The following MYO16 variants were observed in gnomAD, a reference collection of about 807,000 sequenced individuals.
MYO16 encodes unconventional myosin-XVI.
Under a neutral mutation model 205.3 loss-of-function variants are expected in MYO16, and 94 were observed. The observed-to-expected ratio is 0.46, with a 90% CI of 0.39 to 0.54. The LOEUF is 0.54. Among genes scored for constraint, MYO16 ranks in the 20% least tolerant of loss-of-function variants. The probability of loss-of-function intolerance (pLI) is 0.00; values close to 1 mark genes in which losing one functional copy is unlikely to be tolerated. For missense variants in MYO16, 2,315 were observed against 2,387.5 expected, an observed-to-expected ratio of 0.97 and a Z score of 0.63; for synonymous variants, 988 against 954.0, an observed-to-expected ratio of 1.04 and a Z score of -0.66.
chr13:109,013,669 G>A (rs1885699668), intron 22 of MYO16, among the ~76,000 whole-genome samples: 1 of 152,206 alleles, frequency 6.6e-6, no homozygotes, highest in Non-Finnish European at 1.5e-5. Context: ...TAACTGGTGT[G>A]AGATGGTATC....
intron 9 of MYO16, among the ~76,000 whole-genome samples, chr13:108,838,661 G>A (rs1377544035): frequency 4.2e-5 from 2 of 47,364 alleles, no homozygotes; most frequent in Admixed American, 2.5e-4. Flanking sequence ...GAGTGAGACT[G>A]TCTCAAAAAA....
rs370786720 is a variant in MYO16 at position 108,756,438 on chromosome 13, C to A, written c.507+28855C>A. Reference sequence around the variant, plus strand: ...CATCTGTACCATCTATGCCCAAGGTCTAAGAAAAACTTTCTGTGATTTACT... The same window carrying A: ...CATCTGTACCATCTATGCCCAAGGTATAAGAAAAACTTTCTGTGATTTACT... On this transcript the variant is annotated intron_variant, in intron 4 of 34. Coordinates refer to ENST00000457511, the MANE Select transcript of MYO16 (RefSeq NM_001198950.3). Among the ~76,000 whole-genome samples, 47 of 152,096 alleles carry A rather than the reference C, an allele frequency of 3.1e-4. No homozygotes were observed. In the South Asian group the frequency reaches 9.3e-3, roughly 30 times the overall value.
At chr13:108,510,620 C>T in the MYO16 span, among the ~76,000 whole-genome samples, 1 of 55,628 alleles carries the variant, frequency 1.8e-5, no homozygotes, top group Non-Finnish European at 3.3e-5. Context: ...CTATCCCTCC[C>T]CCCTCCCCCG....
intron 1 of MYO16, among the ~76,000 whole-genome samples, chr13:108,651,974 G>T (rs985012544): frequency 6.6e-6 from 1 of 152,138 alleles, no homozygotes; most frequent in Non-Finnish European, 1.5e-5. Flanking sequence ...AGGCTCTGGG[G>T]GAGTAGGTTG....
At chr13:108,658,544 T>C (rs974941029) in intron 1 of MYO16, among the ~76,000 whole-genome samples, 4 of 152,152 alleles carry the variant, frequency 2.6e-5, no homozygotes, top group African/African-American at 9.7e-5. Context: ...TAATAATTTA[T>C]TTCTATGAAT....
upstream of MYO16, among the ~76,000 whole-genome samples, chr13:108,594,975 G>A (rs923053301): frequency 2.0e-5 from 3 of 152,166 alleles, no homozygotes; most frequent in Non-Finnish European, 4.4e-5. Flanking sequence ...GATAACTTTT[G>A]CTGAAGGGTT....
chr13:108,830,892 T>C (rs909152095), intron 9 of MYO16, among the ~76,000 whole-genome samples: 1 of 152,232 alleles, frequency 6.6e-6, no homozygotes, highest in Non-Finnish European at 1.5e-5. Context: ...CATTGAGAAC[T>C]GTCTATTCAG....
intron 3 of MYO16, 90 bp from the exon 4 acceptor site, chr13:108,727,350 T>C (rs939784177): frequency 5.1e-6 from 7 of 1,386,118 alleles, no homozygotes; most frequent in African/African-American, 4.3e-5. Flanking sequence ...AAAATTGGTA[T>C]TGAAGTTTTT....
At chr13:109,007,173 G>A (rs543810566) in intron 21 of MYO16, among the ~76,000 whole-genome samples, 49 of 152,252 alleles carry the variant, frequency 3.2e-4, no homozygotes, top group African/African-American at 1.2e-3. Flanking sequence ...TGGATCACGA[G>A]GTCAGGAGAT....
intron 27 of MYO16, among the ~76,000 whole-genome samples, chr13:109,060,802 T>G (rs1437579263): frequency 2.0e-5 from 3 of 152,154 alleles, no homozygotes; most frequent in Non-Finnish European, 4.4e-5. Context: ...CCAGCTGTAT[T>G]AGCCCCTCAC....
intron 4 of MYO16, among the ~76,000 whole-genome samples, chr13:108,750,949 C>T (rs150203303): frequency 1.3e-4 from 20 of 152,140 alleles, no homozygotes; most frequent in African/African-American, 4.3e-4. Context: ...GTGACTCATG[C>T]GGTGATGGAT....
chr13:109,060,642 G>T (rs148225374), intron 27 of MYO16, among the ~76,000 whole-genome samples: 341 of 152,264 alleles, frequency 2.2e-3, no homozygotes, highest in Non-Finnish European at 2.9e-3. Context: ...CCCAGAACTT[G>T]AAGTAAAATT....
the MYO16 span, among the ~76,000 whole-genome samples, chr13:108,570,958 G>A: frequency 1.6e-4 from 24 of 152,224 alleles, no homozygotes; most frequent in East Asian, 4.4e-3. Context: ...TTAAGGACAA[G>A]TAATTATCAA....
At chr13:108,510,265 C>T in the MYO16 span, among the ~76,000 whole-genome samples, 1,671 of 151,774 alleles carry the variant, frequency 0.011, 21 homozygotes, top group African/African-American at 0.034. Flanking sequence ...TACAGGTGCC[C>T]GCCATCACGC....
Position 109,140,230 on chromosome 13 carries a change from T to G in MYO16, c.4052-34T>G, listed in dbSNP as rs1159365214. The G allele has an allele frequency of 6.3e-7, 1 of 1,594,544 alleles. No homozygotes were observed. The highest frequency in any genetic ancestry group is 8.5e-7 in the Non-Finnish European group (1 of 1,177,386). On this transcript the variant is annotated intron_variant, in intron 31 of 34. Coordinates refer to ENST00000457511, the MANE Select transcript of MYO16 (RefSeq NM_001198950.3). This position sits in a 1 kb window ranked among gnomAD's most constrained non-coding sequence, Gnocchi z 8.0. Reference sequence around the variant, plus strand: ...TTGGTGGGCACCCGTGGGCCTGGCCTGGCACCCACTGACCGCGTCCTTTCC... The same window carrying G: ...TTGGTGGGCACCCGTGGGCCTGGCCGGGCACCCACTGACCGCGTCCTTTCC...
At chr13:108,791,769 T>C (rs1431243434) in intron 5 of MYO16, among the ~76,000 whole-genome samples, 6 of 152,216 alleles carry the variant, frequency 3.9e-5, no homozygotes, top group Non-Finnish European at 4.4e-5. Flanking sequence ...CTTAAAAGTA[T>C]GAACTATTAT....
intron 1 of MYO16, among the ~76,000 whole-genome samples, chr13:108,619,197 A>T (rs1411684187): frequency 1.3e-5 from 2 of 152,170 alleles, no homozygotes; most frequent in Non-Finnish European, 2.9e-5. Context: ...ATTTGGCTTT[A>T]GAGATGTATA....
At chr13:108,861,498 T>G (rs1878447735) in intron 11 of MYO16, among the ~76,000 whole-genome samples, 1 of 152,214 alleles carries the variant, frequency 6.6e-6, no homozygotes, top group Non-Finnish European at 1.5e-5. Flanking sequence ...TTTTATTTTT[T>G]GGCCCACATA....
the MYO16 span, among the ~76,000 whole-genome samples, chr13:108,545,548 C>A: frequency 2.3e-3 from 355 of 152,248 alleles, 2 homozygotes; most frequent in African/African-American, 8.1e-3. Context: ...TTAAATGGTA[C>A]TTCTATTTGA....
Sources: gnomAD v4.1 joint callset for allele counts (sites outside exome capture counted in the v4.1 genomes callset) on GRCh38, gnomAD v4.1.1 for gene constraint, Gnocchi (gnomAD v3.1) non-coding constraint, MANE v1.5 for transcripts, NCBI Gene and HGNC (gene_info 2026-07-23, HGNC 2026-07-21) for gene names.